The following ACTN3 variants were observed in gnomAD, a reference collection of about 807,000 sequenced individuals.
ACTN3 encodes the protein actinin alpha 3, also known as alpha-actinin-3.
A neutral mutation model predicts 119.6 loss-of-function variants in ACTN3; 91 were observed. The ratio of observed to expected loss-of-function variants is 0.76; its 90% CI spans 0.64 to 0.91. The LOEUF (loss-of-function observed/expected upper bound fraction) is 0.91, where lower values mean the gene tolerates loss of function less well. ACTN3 is among the 40% of genes least tolerant of loss of function. The pLI is 0.00. For synonymous variants in ACTN3, 456 were observed against 478.8 expected (o/e 0.95, Z 0.62); for missense variants, 1,221 against 1,215.1 (o/e 1.00, Z -0.07).
chr11:66,561,796 C>A, intron 17 of ACTN3, 159 bp downstream of exon 17: 1 of 618,090 alleles, frequency 1.6e-6, no homozygotes, highest in Non-Finnish European at 2.0e-6. Flanking sequence ...CTTCCAGAGT[C>A]ACAAAGCCGT....
chr11:66,555,076 A>G, intron 5 of ACTN3, 54 bp from the exon 6 acceptor site: 1 of 1,554,248 alleles, frequency 6.4e-7, no homozygotes, highest in Non-Finnish European at 8.9e-7. Flanking sequence ...GGCCGAGGGG[A>G]GAACGGGGCC....
In ACTN3 at chr11:66,562,017, G is replaced by T. The variant is rs374908695; in HGVS notation, c.2176-5G>T. ...ACTGACAGTGGCCTGTCCCCTGACC[G>T]CCAGCACATCCGCGTGGGCTGGGAG... is the stretch of plus-strand genomic sequence containing the variant. On this transcript the variant is annotated splice_polypyrimidine_tract_variant and splice_region_variant and intron_variant, in intron 17 of 20. Coordinates refer to ENST00000513398, the MANE Select transcript of ACTN3 (RefSeq NM_001104.4). The T allele has an allele frequency of 6.9e-6, 11 of 1,602,542 alleles. No homozygotes were observed. In the Admixed American group the frequency reaches 1.2e-4, roughly 18 times the overall value.
Position 66,563,060 on chromosome 11 carries a change from G to A in ACTN3, c.2573G>A (p.Arg858Gln), listed in dbSNP as rs551188851. ...AACTACATCACCCCCGAGGAGCTGC[G>A]GCGCGAGCTCCCTGCCAAGCAGGCC... ...DKNYITPEEL[R>Q]RELPAKQAEY... Residue 858 changes from arginine (R) to glutamine (Q), a missense_variant, in exon 21 of 21, where the codon CGG (arginine) becomes CAG (glutamine). Coordinates refer to ENST00000513398, the MANE Select transcript of ACTN3 (RefSeq NM_001104.4). 2.0e-5 allele frequency: 32 copies of A among 1,612,406 alleles called. No individual in the cohort carries two copies. The highest frequency in any genetic ancestry group is 6.7e-5 in the East Asian group (3 of 44,838).
chr11:66,562,797 G>C lies in ACTN3; in HGVS notation c.2390G>C (p.Gly797Ala). The C allele has an allele frequency of 6.2e-7, 1 of 1,606,664 alleles. No homozygotes were observed. The highest frequency in any genetic ancestry group is 8.5e-7 in the Non-Finnish European group (1 of 1,175,702). The change falls in exon 20 of 21, where the codon GGG becomes GCG. Residue 797 changes from glycine to alanine, a missense_variant and splice_region_variant. This residue lies in a region of ACTN3 where 934 missense variants were observed against 899.9 expected (regional missense o/e 1.04). Transcript: ENST00000513398. ...ACLISMGYDLGEVEFARIMTM... is the reference protein window; with the variant it reads ...ACLISMGYDLAEVEFARIMTM... ...AGTGCCTGGCCTCTATCCCTGCAGG[G>C]GGAAGTGGAGTTTGCTCGCATCATG...
At chr11:66,559,198 C>G in intron 11 of ACTN3, 38 bp from the exon 12 acceptor site, 1 of 1,449,336 alleles carries the variant, frequency 6.9e-7, no homozygotes, top group East Asian at 2.7e-5. Context: ...CTGCCCCTGC[C>G]GCCACTGGGT....
intron 19 of ACTN3, 126 bp from the exon 20 acceptor site, chr11:66,562,670 G>A: frequency 9.0e-7 from 1 of 1,107,742 alleles, no homozygotes; most frequent in Non-Finnish European, 1.3e-6. Context: ...AAGGTCTCTG[G>A]AGGAAGGGAA....
upstream of ACTN3, chr11:66,546,440 A>T: frequency 8.2e-7 from 1 of 1,215,036 alleles, no homozygotes; most frequent in South Asian, 1.5e-5. Context: ...GCCGTTCCCC[A>T]TGCCCGGGTG....
chr11:66,562,147 A>G lies in ACTN3; in HGVS notation c.2301A>G (p.Ala767=). 6.2e-7 allele frequency: 1 copy of G among 1,614,034 alleles called. No individual in the cohort carries two copies. The highest frequency in any genetic ancestry group is 1.3e-5 in the African/African-American group (1 of 75,032). ...LSQEQLNEFR[A]SFNHFDRKQN... The stretch of plus-strand genomic sequence containing the variant: ...AGGAGCAGCTCAACGAGTTCCGAGC[A>G]TCCTTCAACCACTTTGACAGGGTCA... The change falls in exon 18 of 21, where the codon GCA becomes GCG. Residue 767 remains alanine (A), a synonymous_variant. Transcript: ENST00000513398.
intron 13 of ACTN3, 41 bp downstream of exon 13, chr11:66,560,117 G>GGGGGT: frequency 5.2e-6 from 8 of 1,524,928 alleles, no homozygotes; most frequent in African/African-American, 1.4e-5. Context: ...GGGTAGGTGG[G>GGGGGT]TGAGGCCAGG....
upstream of ACTN3, chr11:66,546,531 C>T (rs1260745702): frequency 6.5e-7 from 1 of 1,535,432 alleles, no homozygotes; most frequent in South Asian, 1.2e-5. Context: ...GGCTCTGTGT[C>T]CCACCAGCGA....
At chr11:66,560,106 T>A in intron 13 of ACTN3, 30 bp downstream of exon 13, 1 of 465,700 alleles carries the variant, frequency 2.1e-6, no homozygotes. Flanking sequence ...AGCTGGGGGG[T>A]GGGTAGGTGG....
In ACTN3 at chr11:66,562,290, C is replaced by T. The variant is rs772189137; in HGVS notation, c.2356C>T (p.Arg786Ter). The T allele has an allele frequency of 8.7e-6, 14 of 1,613,332 alleles. No homozygotes were observed. The highest frequency in any genetic ancestry group is 1.3e-5 in the African/African-American group (1 of 74,862). Residue 786 changes from arginine to a stop codon, truncating the protein, a stop_gained, in exon 19 of 21, where the codon CGA (arginine) becomes TGA (stop). Transcript: ENST00000513398. LOFTEE classifies it high-confidence loss of function. ...TGGGATGATGGAGCCTGATGACTTCCGAGCTTGCCTCATCTCCATGGGCTA... is the reference window on the plus strand; with the variant it reads ...TGGGATGATGGAGCCTGATGACTTCTGAGCTTGCCTCATCTCCATGGGCTA... ...QNGMMEPDDF[R>*]ACLISMGYDL...
chr11:66,556,032 TG>T, intron 7 of ACTN3, 112 bp from the exon 8 acceptor site: 1 of 919,134 alleles, frequency 1.1e-6, no homozygotes, highest in Non-Finnish European at 1.7e-6. Flanking sequence ...CTTGGGTGGC[TG>T]GCTGCTGGTG....
chr11:66,557,980 G>C (rs1211646971), intron 10 of ACTN3, 47 bp from the exon 11 acceptor site: 1 of 1,613,278 alleles, frequency 6.2e-7, no homozygotes, highest in Admixed American at 1.7e-5. Context: ...TATCCCATCT[G>C]TACAATGGGC....
chr11:66,550,101 G>A (rs1337979485), intron 1 of ACTN3, among the ~76,000 whole-genome samples: 1 of 152,160 alleles, frequency 6.6e-6, no homozygotes, highest in African/African-American at 2.4e-5. Flanking sequence ...TGTGGTGTGG[G>A]GATGCTCTGA....
rs751379480 is a variant in ACTN3 at position 66,556,188 on chromosome 11, C to T, written c.762C>T (p.Thr254=). The change falls in exon 8 of 21, where the codon ACC becomes ACT. Residue 254 remains threonine, a synonymous_variant. Coordinates refer to ENST00000513398, the MANE Select transcript of ACTN3 (RefSeq NM_001104.4). ...AGCCGGATGAGAAGGCCATCATGAC[C>T]TATGTGTCCTGCTTCTACCATGCCT... The part of the protein sequence containing the change: ...TPKPDEKAIM[T]YVSCFYHAFA... 4.3e-6 allele frequency: 7 copies of T among 1,613,816 alleles called. No individual in the cohort carries two copies. The African/African-American group carries it at 8.0e-5, about 18-fold the overall frequency.
At chr11:66,551,428 G>T (rs1857468421) in intron 2 of ACTN3, 75 bp downstream of exon 2, 4 of 1,566,072 alleles carry the variant, frequency 2.6e-6, no homozygotes, top group Non-Finnish European at 3.5e-6. Context: ...TAGGGTGGCG[G>T]AGTGTTGGAC....
Position 66,560,224 on chromosome 11 carries a change from G to C in ACTN3, c.1590G>C (p.Arg530=). ...ACCGGCTGCAACTGGAGTTTGCCCG[G>C]CGGGCCGCGCCCTTCAACAACTGGC... is the stretch of plus-strand genomic sequence containing the variant. ...TIDRLQLEFA[R]RAAPFNNWLD... Residue 530 remains arginine, a synonymous_variant, in exon 14 of 21, where the codon CGG becomes CGC. Transcript: ENST00000513398. 2 of 1,611,990 alleles carry C rather than the reference G, an allele frequency of 1.2e-6. No homozygotes were observed. The highest frequency in any genetic ancestry group is 1.7e-6 in the Non-Finnish European group (2 of 1,179,100).
chr11:66,557,013 G>A (rs1056493079), intron 8 of ACTN3, 120 bp from the exon 9 acceptor site: 51 of 759,608 alleles, frequency 6.7e-5, no homozygotes, highest in Admixed American at 7.5e-5. Context: ...CGCCCGCCTC[G>A]GCCTCCCAAA....
Sources: gnomAD v4.1 joint callset for allele counts (sites outside exome capture counted in the v4.1 genomes callset) on GRCh38, gnomAD v4.1.1 for gene constraint, gnomAD v4.1.1 regional missense constraint, MANE v1.5 for transcripts, NCBI Gene and HGNC (gene_info 2026-07-23, HGNC 2026-07-21) for gene names.